The following MEGF10 variants were observed in gnomAD, a reference collection of about 807,000 sequenced individuals.
MEGF10 encodes multiple EGF like domains 10.
MEGF10 carries 86 observed loss-of-function variants against 147.5 expected under a neutral mutation model. That is an observed-to-expected ratio of 0.58 (90% CI 0.49 to 0.70). The LOEUF (loss-of-function observed/expected upper bound fraction) is 0.70. Among genes scored for constraint, MEGF10 ranks in the 30% least tolerant of loss-of-function variants. The pLI, the probability that MEGF10 is intolerant of heterozygous loss-of-function variation, is 0.00. For synonymous variants in MEGF10, 478 were observed against 525.5 expected (o/e 0.91, Z 1.24); for missense variants, 1,329 against 1,487.3 (o/e 0.89, Z 1.75).
intron 2 of MEGF10, among the ~76,000 whole-genome samples, chr5:127,337,649 G>A (rs1347499913): frequency 6.6e-6 from 1 of 151,984 alleles, no homozygotes; most frequent in African/African-American, 2.4e-5. Flanking sequence ...ACTTATTTTT[G>A]CAGGTAGCAA....
intron 8 of MEGF10, among the ~76,000 whole-genome samples, chr5:127,405,434 A>G (rs1327499421): frequency 2.6e-5 from 4 of 152,162 alleles, no homozygotes; most frequent in Admixed American, 2.6e-4. Flanking sequence ...CTGGTTGAAG[A>G]AAAACTTGCT....
chr5:127,455,079 A>G (rs1441024547), intron 23 of MEGF10, among the ~76,000 whole-genome samples: 2 of 152,176 alleles, frequency 1.3e-5, no homozygotes, highest in African/African-American at 4.8e-5. Context: ...TGGGGCCATC[A>G]ACAGCTGGTT....
At chr5:127,309,946 A>G (rs576852090) in intron 1 of MEGF10, among the ~76,000 whole-genome samples, 63 of 84,592 alleles carry the variant, frequency 7.4e-4, no homozygotes, top group Middle Eastern at 4.8e-3. Flanking sequence ...ATCCTTGCCA[A>G]CTCTTTCTTT....
intron 13 of MEGF10, among the ~76,000 whole-genome samples, chr5:127,428,141 ATTTTTTTTTTTTT>A (rs66935934): frequency 6.8e-5 from 7 of 103,572 alleles, no homozygotes; most frequent in African/African-American, 2.6e-4. Flanking sequence ...GGTGTCTGGT[ATTTTTTTTTTTTT>A]TTTTTTTTTT....
chr5:127,445,991 A>G (rs563254190), intron 20 of MEGF10, among the ~76,000 whole-genome samples: 1 of 152,174 alleles, frequency 6.6e-6, no homozygotes, highest in Non-Finnish European at 1.5e-5. Context: ...CTTTTGTCAT[A>G]TGTGAGGGGG....
the MEGF10 span, among the ~76,000 whole-genome samples, chr5:127,245,549 C>A: frequency 7.9e-5 from 12 of 152,224 alleles, 1 homozygote; most frequent in Admixed American, 5.2e-4. Context: ...TAGGCATGGG[C>A]AAAGACTTCA....
chr5:127,238,917 T>C, the MEGF10 span, among the ~76,000 whole-genome samples: 2 of 151,632 alleles, frequency 1.3e-5, no homozygotes, highest in South Asian at 2.1e-4. Context: ...CTCAATAGGT[T>C]AGAAAAGTGA....
intron 3 of MEGF10, among the ~76,000 whole-genome samples, chr5:127,339,639 TA>T (rs769995331): frequency 5.3e-5 from 8 of 152,282 alleles, no homozygotes; most frequent in Non-Finnish European, 1.0e-4. Context: ...TTTTTTTCTA[TA>T]AATGTGAACA....
chr5:127,403,953 T>C (rs892084632), intron 8 of MEGF10, among the ~76,000 whole-genome samples: 61 of 152,210 alleles, frequency 4.0e-4, no homozygotes, highest in African/African-American at 1.4e-3. Flanking sequence ...TTTGGGTATA[T>C]ACCCAGCAGT....
intron 1 of MEGF10, among the ~76,000 whole-genome samples, chr5:127,293,929 A>G (rs554196650): frequency 1.3e-5 from 2 of 152,228 alleles, no homozygotes; most frequent in East Asian, 3.9e-4. Flanking sequence ...TCTCAGGGTT[A>G]TTTTCTGCTT....
chr5:127,360,725 C>T (rs897233294), intron 4 of MEGF10, among the ~76,000 whole-genome samples: 7 of 151,708 alleles, frequency 4.6e-5, no homozygotes, highest in Non-Finnish European at 7.4e-5. Flanking sequence ...ATGCAGGCAT[C>T]TTTTGAAATA....
intron 8 of MEGF10, among the ~76,000 whole-genome samples, chr5:127,404,470 A>G (rs1432857789): frequency 6.6e-6 from 1 of 152,088 alleles, no homozygotes; most frequent in Non-Finnish European, 1.5e-5. Flanking sequence ...TAGTTTGGAA[A>G]TACTTTATCT....
intron 5 of MEGF10, among the ~76,000 whole-genome samples, chr5:127,388,584 C>T (rs567610779): frequency 1.5e-4 from 22 of 151,570 alleles, no homozygotes; most frequent in African/African-American, 2.9e-4. Flanking sequence ...CTGGCTCTGT[C>T]GCCCAGGCTG....
At chr5:127,301,161 T>G (rs1759750306) in intron 1 of MEGF10, among the ~76,000 whole-genome samples, 1 of 152,218 alleles carries the variant, frequency 6.6e-6, no homozygotes, top group African/African-American at 2.4e-5. Flanking sequence ...TCATTTCCAC[T>G]GACACTTCCT....
At chr5:127,426,748 A>T (rs571914453) in intron 13 of MEGF10, among the ~76,000 whole-genome samples, 1 of 152,350 alleles carries the variant, frequency 6.6e-6, no homozygotes, top group Admixed American at 6.5e-5. Context: ...AAAATTACAG[A>T]AACAGGCTGA....
the MEGF10 span, among the ~76,000 whole-genome samples, chr5:127,281,855 C>T: frequency 2.6e-5 from 4 of 152,206 alleles, no homozygotes; most frequent in African/African-American, 4.8e-5. Flanking sequence ...CTTCAGCTCC[C>T]GCTCCTTGGC....
intron 21 of MEGF10, among the ~76,000 whole-genome samples, chr5:127,448,730 G>A (rs2127031595): frequency 6.6e-6 from 1 of 151,456 alleles, no homozygotes; most frequent in East Asian, 1.9e-4. Flanking sequence ...TAACTGCTAA[G>A]AGTCACCTGT....
chr5:127,396,653 C>A lies in MEGF10; in HGVS notation c.534C>A (p.Cys178Ter). ...HCAAGFRGWR[C>*]EDRCEQGTYG... ...CTGCGGGCTTCCGGGGCTGGCGCTG[C>A]GAGGACCGCTGTGAGCAGGGCACCT... Residue 178 changes from cysteine (C) to a stop codon, truncating the protein, a stop_gained, in exon 6 of 25, where the codon TGC becomes TGA. Transcript: ENST00000503335. LOFTEE classifies it high-confidence loss of function. The A allele has an allele frequency of 6.2e-7, 1 of 1,614,062 alleles. No homozygotes were observed. The highest frequency in any genetic ancestry group is 8.5e-7 in the Non-Finnish European group (1 of 1,180,014).
rs575421229 is a variant in MEGF10, at chr5:127,443,229, C to T, written c.2491+103C>T. 9.7e-6 allele frequency: 12 copies of T among 1,243,436 alleles called. No homozygotes were observed. In the East Asian group the frequency reaches 2.7e-4, roughly 27 times the overall value. 77.0% of individuals were successfully genotyped at this position (1,243,436 alleles called of 1,614,324 possible). A position where few individuals can be genotyped will look rare whatever the true frequency, so the allele number is the denominator to read the frequency against. The stretch of plus-strand genomic sequence containing the variant: ...CTTATGTTATCCAGCAGAATCTTCA[C>T]CACAACTCTAAATGGCATAATTGGT... On this transcript the variant is annotated intron_variant, in intron 19 of 24. Coordinates refer to ENST00000503335, the MANE Select transcript of MEGF10 (RefSeq NM_001256545.2).
Sources: gnomAD v4.1 joint callset for allele counts (sites outside exome capture counted in the v4.1 genomes callset) on GRCh38, gnomAD v4.1.1 for gene constraint, MANE v1.5 for transcripts, NCBI Gene and HGNC (gene_info 2026-07-23, HGNC 2026-07-21) for gene names.